The following RPH3AL variants were observed in gnomAD, a reference collection of about 807,000 sequenced individuals.
RPH3AL encodes rab effector Noc2.
Under a neutral mutation model 43.1 loss-of-function variants are expected in RPH3AL, and 38 were observed. That is an observed-to-expected ratio of 0.88 (90% CI 0.68 to 1.15). The LOEUF is 1.15. Ranked by LOEUF, RPH3AL falls within the 50% of genes most tolerant of loss-of-function variation. The pLI is 0.00. For synonymous variants in RPH3AL, 189 were observed against 176.3 expected, an observed-to-expected ratio of 1.07 and a Z score of -0.57; for missense variants, 462 against 423.2, an observed-to-expected ratio of 1.09 and a Z score of -0.81.
chr17:303,543 GGGGA>G (rs760849771), intron 5 of RPH3AL, among the ~76,000 whole-genome samples: 2 of 126,550 alleles, frequency 1.6e-5, no homozygotes, highest in African/African-American at 5.8e-5. Flanking sequence ...GGAAAGAGAT[GGGGA>G]GGGAGGGAGG....
chr17:266,198 C>T (rs192407792), intron 6 of RPH3AL, among the ~76,000 whole-genome samples: 1 of 149,032 alleles, frequency 6.7e-6, no homozygotes, highest in Admixed American at 6.6e-5. Flanking sequence ...CTTTAAGGCC[C>T]CAGTGGTGTG....
intron 6 of RPH3AL, among the ~76,000 whole-genome samples, chr17:276,951 T>C (rs912616842): frequency 1.2e-4 from 18 of 152,310 alleles, no homozygotes; most frequent in African/African-American, 4.3e-4. Flanking sequence ...AGCCAAGGAC[T>C]CAGAAAATGT....
chr17:291,236 T>A (rs1464309120), intron 5 of RPH3AL, among the ~76,000 whole-genome samples: 2 of 152,158 alleles, frequency 1.3e-5, no homozygotes, highest in Admixed American at 1.3e-4. Context: ...AACGGAGTAG[T>A]TTATCCATTA....
chr17:300,689 C>G (rs58337555), intron 5 of RPH3AL, among the ~76,000 whole-genome samples: 1 of 133,544 alleles, frequency 7.5e-6, no homozygotes, highest in East Asian at 3.5e-4. Context: ...CCCGCTCTAG[C>G]AGGGGCTGGC....
chr17:296,715 C>T (rs2151630758), intron 5 of RPH3AL, among the ~76,000 whole-genome samples: 1 of 152,334 alleles, frequency 6.6e-6, no homozygotes, highest in South Asian at 2.1e-4. Context: ...CAACGTCACG[C>T]CCGCTTTTTT....
At chr17:230,965 C>T (rs568367745) in intron 7 of RPH3AL, among the ~76,000 whole-genome samples, 5 of 152,316 alleles carry the variant, frequency 3.3e-5, no homozygotes, top group East Asian at 1.9e-4. Context: ...GGATCACAGG[C>T]GTGAGCCATG....
chr17:351,470 T>A (rs1008679538), intron 1 of RPH3AL, among the ~76,000 whole-genome samples: 4 of 152,002 alleles, frequency 2.6e-5, no homozygotes, highest in African/African-American at 9.7e-5. Context: ...CAAAATAGAT[T>A]ACACCAAGAA....
Position 269,665 on chromosome 17 carries a change from G to A in RPH3AL, c.438+12103C>T, listed in dbSNP as rs552830924. Among the ~76,000 whole-genome samples the A allele has an allele frequency of 4.1e-4, 62 of 152,314 alleles. 1 individual carries two copies. The South Asian group carries it at 5.2e-3, about 13-fold the overall frequency. On this transcript the variant is annotated intron_variant, in intron 6 of 9. Coordinates refer to ENST00000331302, the MANE Select transcript of RPH3AL (RefSeq NM_006987.4). Reference sequence around the variant, plus strand: ...CTGTCACAGAGGACAATGGGCTCCCGTGGGGATGAAGCGAGATGATCATGG... The same window carrying A: ...CTGTCACAGAGGACAATGGGCTCCCATGGGGATGAAGCGAGATGATCATGG...
intron 5 of RPH3AL, among the ~76,000 whole-genome samples, chr17:286,166 G>C (rs571036208): frequency 6.6e-6 from 1 of 152,202 alleles, no homozygotes; most frequent in Non-Finnish European, 1.5e-5. Flanking sequence ...CCACGGAACT[G>C]AGTCCTGTCC....
In RPH3AL at chr17:243,649, AC is replaced by A. The variant is rs68089448; in HGVS notation, c.613+3461del. On this transcript the variant is annotated intron_variant, in intron 7 of 9. Transcript: ENST00000331302. The stretch of plus-strand genomic sequence containing the variant: ...ATTGATTACCCTTCCTCTATTGATT[AC>A]CCTTCCTCTATTGACTACCTTCCTC... Among the ~76,000 whole-genome samples, 74 of 32,884 alleles carry A rather than the reference AC, an allele frequency of 2.3e-3. 3 individuals carry two copies. The highest frequency in any genetic ancestry group is 0.016 in the East Asian group (12 of 734). The allele number at this position is 32,884 out of a possible 152,430, so 21.6% of individuals were successfully genotyped here.
At chr17:256,121 C>T (rs373391684) in intron 6 of RPH3AL, among the ~76,000 whole-genome samples, 55 of 2,904 alleles carry the variant, frequency 0.019, 2 homozygotes, top group Non-Finnish European at 0.034. Context: ...TGAGGGGAGC[C>T]GCACGGCGTC....
At chr17:332,811 C>A in intron 2 of RPH3AL, 1 of 344,618 alleles carries the variant, frequency 2.9e-6, no homozygotes, top group Non-Finnish European at 5.6e-6. Flanking sequence ...CTCCTGGTGC[C>A]ACCTCGACCC....
intron 7 of RPH3AL, among the ~76,000 whole-genome samples, chr17:220,713 GACCCAA>G (rs2040950984): frequency 1.9e-4 from 12 of 63,204 alleles, no homozygotes; most frequent in East Asian, 4.7e-4. Flanking sequence ...TGAGACAATA[GACCCAA>G]GCACATCAGC....
chr17:315,168 C>T (rs1598091489), intron 5 of RPH3AL, among the ~76,000 whole-genome samples: 2 of 83,952 alleles, frequency 2.4e-5, no homozygotes, highest in African/African-American at 9.3e-5. Flanking sequence ...CCTGTGCCCC[C>T]ACCTCCATTC....
intron 5 of RPH3AL, among the ~76,000 whole-genome samples, chr17:301,080 G>A (rs1598047217): frequency 6.6e-6 from 1 of 152,266 alleles, no homozygotes; most frequent in Admixed American, 6.5e-5. Flanking sequence ...CCACTCTGTA[G>A]GGGCGCTGCC....
rs536804467 is a variant in RPH3AL, at chr17:271,499, G to T, written c.438+10269C>A. Among the ~76,000 whole-genome samples, 50 of 152,290 alleles carry T rather than the reference G, an allele frequency of 3.3e-4. No homozygotes were observed. The East Asian group carries it at 9.1e-3, about 28-fold the overall frequency. ...CTTGAAGAGGTCCTTCACATCCTTTGTAAGTTGGATTCCTAGGTATTTTAT... is the reference window on the plus strand; with the variant it reads ...CTTGAAGAGGTCCTTCACATCCTTTTTAAGTTGGATTCCTAGGTATTTTAT... On this transcript the variant is annotated intron_variant, in intron 6 of 9. Coordinates refer to ENST00000331302, the MANE Select transcript of RPH3AL (RefSeq NM_006987.4).
chr17:345,699 G>A (rs554705701), intron 1 of RPH3AL, among the ~76,000 whole-genome samples: 5 of 120,366 alleles, frequency 4.2e-5, no homozygotes, highest in African/African-American at 1.1e-4. Flanking sequence ...GCTGGGGCAC[G>A]CGTGCTCCCC....
At chr17:248,260 G>A (rs1022850629) in intron 6 of RPH3AL, among the ~76,000 whole-genome samples, 8 of 152,128 alleles carry the variant, frequency 5.3e-5, no homozygotes, top group African/African-American at 1.7e-4. Flanking sequence ...ACTGCCCCTC[G>A]GGAGAGGGGC....
In RPH3AL at chr17:281,873, G is replaced by A. The variant is rs150852536; in HGVS notation, c.352-19C>T. ...AGACTTTCTACAAGAGAGAGGACAT[G>A]GGGTTGTAAAGATTGCAGCCGCTTC... is the stretch of plus-strand genomic sequence containing the variant. On this transcript the variant is annotated intron_variant, in intron 5 of 9. Transcript: ENST00000331302. 5,337 of 1,605,816 alleles carry A rather than the reference G, an allele frequency of 3.3e-3. 176 individuals carry two copies. In the Admixed American group the frequency reaches 0.065, roughly 20 times the overall value.
Sources: allele counts gnomAD v4.1 joint callset (sites outside exome capture counted in the v4.1 genomes callset), GRCh38; gene constraint gnomAD v4.1.1; transcripts MANE v1.5; gene names NCBI Gene and HGNC (gene_info 2026-07-23, HGNC 2026-07-21).